The following TJP1 variants were observed in gnomAD, a reference collection of about 807,000 sequenced individuals.
TJP1 encodes the protein tight junction protein ZO-1.
Under a neutral mutation model 194.2 loss-of-function variants are expected in TJP1, and 43 were observed. The ratio of observed to expected loss-of-function variants is 0.22; its 90% confidence interval spans 0.17 to 0.29. TJP1 has a LOEUF of 0.29. TJP1 is among the 10% of genes least tolerant of loss of function. TJP1 has a pLI of 1.00. For synonymous variants in TJP1, 801 were observed against 779.0 expected, an observed-to-expected ratio of 1.03 and a Z score of -0.47; for missense variants, 1,971 against 2,185.7, an observed-to-expected ratio of 0.90 and a Z score of 1.96.
At chr15:29,790,222 C>A (rs918605153) in intron 2 of TJP1, among the ~76,000 whole-genome samples, 2 of 152,080 alleles carry the variant, frequency 1.3e-5, no homozygotes, top group Non-Finnish European at 2.9e-5. Flanking sequence ...CTTTGCTGAT[C>A]CTGCTCTAGA....
At chr15:29,743,018 T>C (rs1237133346) in intron 8 of TJP1, 3 of 313,300 alleles carry the variant, frequency 9.6e-6, no homozygotes, top group African/African-American at 2.1e-5. Flanking sequence ...GCAAAATTTA[T>C]CATGAAAGTA....
chr15:29,865,916 C>T (rs978690960), intron 2 of TJP1, among the ~76,000 whole-genome samples: 2 of 152,156 alleles, frequency 1.3e-5, no homozygotes, highest in Admixed American at 1.3e-4. Context: ...ATTCAAATCG[C>T]CAGGCACTGT....
chr15:29,836,083 C>T (rs2051019075), intron 2 of TJP1, among the ~76,000 whole-genome samples: 1 of 152,110 alleles, frequency 6.6e-6, no homozygotes, highest in Non-Finnish European at 1.5e-5. Flanking sequence ...AAATCCAGAG[C>T]ACTCTCTAAT....
chr15:29,810,812 A>T (rs1328800180), intron 1 of TJP1, among the ~76,000 whole-genome samples: 1 of 152,176 alleles, frequency 6.6e-6, no homozygotes, highest in African/African-American at 2.4e-5. Flanking sequence ...TAGAAAAAAC[A>T]GCACGTGCAA....
At chr15:29,731,205 T>C (rs2043636006) in intron 15 of TJP1, among the ~76,000 whole-genome samples, 1 of 152,180 alleles carries the variant, frequency 6.6e-6, no homozygotes, top group Admixed American at 6.5e-5. Context: ...GAAAACACCT[T>C]TCCCTTCCAG....
upstream of TJP1, among the ~76,000 whole-genome samples, chr15:29,826,706 G>T (rs1033607607): frequency 6.6e-6 from 1 of 152,110 alleles, no homozygotes; most frequent in Non-Finnish European, 1.5e-5. Context: ...GAGAATTCAA[G>T]CGTCTTCTAG....
At chr15:29,956,155 C>T (rs745971329) in intron 2 of TJP1, 22 of 1,083,016 alleles carry the variant, frequency 2.0e-5, no homozygotes, top group Non-Finnish European at 2.2e-5. Context: ...AAGTCTGCTG[C>T]ATTTTTATGA....
intron 2 of TJP1, among the ~76,000 whole-genome samples, chr15:29,930,557 CA>C (rs1443373310): frequency 2.7e-5 from 4 of 148,584 alleles, no homozygotes; most frequent in African/African-American, 1.0e-4. Context: ...CCTGGCAAAC[CA>C]AGACCAACAG....
chr15:29,755,062 T>A (rs1315702087), intron 8 of TJP1, among the ~76,000 whole-genome samples: 3 of 152,220 alleles, frequency 2.0e-5, no homozygotes, highest in Non-Finnish European at 4.4e-5. Flanking sequence ...CAGACAATAG[T>A]GGTCCCTGAA....
At chr15:29,734,479 A>G in intron 11 of TJP1, 97 bp from the exon 12 acceptor site, 2 of 899,548 alleles carry the variant, frequency 2.2e-6, no homozygotes, top group Admixed American at 3.2e-5. Flanking sequence ...TAATTTGAAA[A>G]TATCACATCT....
intron 2 of TJP1, among the ~76,000 whole-genome samples, chr15:29,781,855 G>C (rs1005882634): frequency 3.3e-5 from 5 of 152,132 alleles, no homozygotes; most frequent in African/African-American, 4.8e-5. Context: ...CAAACCTACA[G>C]CCAACATCAT....
At chr15:29,760,286 G>T in intron 8 of TJP1, 1 of 702,062 alleles carries the variant, frequency 1.4e-6, no homozygotes, top group Non-Finnish European at 2.6e-6. Flanking sequence ...ATTTTCTTCA[G>T]ATTCTCAAAT....
At position 29,928,750 on chromosome 15, in the gene TJP1, T is replaced by C. The variant is rs982788846; in HGVS notation, c.306+27482A>G. ...CGAGGTCAGGAGATCGAGACCATCCTGGCTAACACGGTGAAACCCCGTCTC... is the reference window on the plus strand; with the variant it reads ...CGAGGTCAGGAGATCGAGACCATCCCGGCTAACACGGTGAAACCCCGTCTC... On this transcript the variant is annotated intron_variant, in intron 2 of 28. Coordinates refer to the TJP1 transcript ENST00000356107. Among the ~76,000 whole-genome samples, 52 of 152,302 alleles carry C rather than the reference T, an allele frequency of 3.4e-4. 5 individuals carry two copies. Among genetic ancestry groups the C allele is most frequent in the African/African-American group, 1.2e-3 (50 of 41,574 alleles).
intron 1 of TJP1, among the ~76,000 whole-genome samples, chr15:29,812,825 A>G (rs2049619542): frequency 2.0e-5 from 3 of 152,214 alleles, no homozygotes; most frequent in Admixed American, 2.0e-4. Flanking sequence ...GTCAGCATGC[A>G]ATATAAGGGG....
chr15:29,792,326 C>G (rs1429929823), intron 2 of TJP1, among the ~76,000 whole-genome samples: 1 of 152,138 alleles, frequency 6.6e-6, no homozygotes, highest in Non-Finnish European at 1.5e-5. Flanking sequence ...ATGTGGATGT[C>G]CAGTCTTCCC....
intron 2 of TJP1, among the ~76,000 whole-genome samples, chr15:29,786,093 T>C (rs761926655): frequency 1.3e-5 from 2 of 152,224 alleles, no homozygotes; most frequent in Non-Finnish European, 2.9e-5. Context: ...CACTGCAGAT[T>C]TTCTACCAAC....
intron 8 of TJP1, among the ~76,000 whole-genome samples, chr15:29,756,566 T>A (rs2045656055): frequency 6.6e-6 from 1 of 152,192 alleles, no homozygotes; most frequent in Non-Finnish European, 1.5e-5. Flanking sequence ...ACAGTGAGGA[T>A]ACTTTGTTCA....
At chr15:29,740,122 G>A (rs1332826764) in intron 10 of TJP1, among the ~76,000 whole-genome samples, 1 of 151,834 alleles carries the variant, frequency 6.6e-6, no homozygotes, top group Non-Finnish European at 1.5e-5. Context: ...CGAGTAGCTG[G>A]GACTATAGGC....
At chr15:29,960,241 G>A (rs1024184065) in intron 1 of TJP1, among the ~76,000 whole-genome samples, 4 of 152,008 alleles carry the variant, frequency 2.6e-5, no homozygotes, top group Non-Finnish European at 5.9e-5. Context: ...AGATAGTCAA[G>A]AAATTTACCA....
Sources: gnomAD v4.1 joint callset for allele counts (sites outside exome capture counted in the v4.1 genomes callset) on GRCh38, gnomAD v4.1.1 for gene constraint, MANE v1.5 for transcripts, NCBI Gene and HGNC (gene_info 2026-07-23, HGNC 2026-07-21) for gene names.